Variants in NANP observed in about 807,000 individuals in gnomAD.
NANP encodes N-acetylneuraminic acid phosphatase.
A neutral mutation model predicts 16.9 loss-of-function variants in NANP; 15 were observed. That is an observed-to-expected ratio of 0.89 (90% CI 0.59 to 1.37). The LOEUF (loss-of-function observed/expected upper bound fraction) is 1.37, where lower values mean the gene tolerates loss of function less well. Among genes scored for constraint, NANP ranks in the 40% most tolerant of loss-of-function variants. The pLI is 0.00. For missense variants in NANP, 290 were observed against 303.5 expected (o/e 0.96, Z 0.33); for synonymous variants, 135 against 112.6 (o/e 1.20, Z -1.26).
In NANP at chr20:25,614,179, T is replaced by C. The variant is rs758315285; in HGVS notation, c.*1746A>G. On this transcript the variant is annotated 3_prime_UTR_variant, in exon 2 of 2. Transcript: ENST00000304788. ...TTTGCATGAGGCAGAGAATTCTGTT[T>C]CTTGGCAGTAGACAGAAAACTGGCT... 7 of 215,416 alleles carry C rather than the reference T, an allele frequency of 3.2e-5. No individual in the cohort carries two copies. Among genetic ancestry groups the C allele is most frequent in the Non-Finnish European group, 5.5e-5 (6 of 109,992 alleles). The allele number at this position is 215,416 out of a possible 1,614,324, so 13.3% of individuals were successfully genotyped here. A position where few individuals can be genotyped will look rare whatever the true frequency, so the allele number is the denominator to read the frequency against.
chr20:25,623,376 G>C (rs1600399615), intron 1 of NANP, among the ~76,000 whole-genome samples: 1 of 152,360 alleles, frequency 6.6e-6, no homozygotes, highest in East Asian at 1.9e-4. Flanking sequence ...GTCCAGGCTC[G>C]GTACTGACAG....
In NANP at chr20:25,616,137, C is replaced by T. The variant is rs146505168; in HGVS notation, c.535G>A (p.Val179Ile). The change falls in exon 2 of 2, where the codon GTA (valine) becomes ATA (isoleucine). Residue 179 changes from valine to isoleucine, a missense_variant. Val to Ile is a conservative substitution (Grantham distance 29). Coordinates refer to ENST00000304788, the MANE Select transcript of NANP (RefSeq NM_152667.3). ...ACCATCACACAGTCCCCAGGTTGTA[C>T]TCCGAGAAGATTGCAGCAGTAATAA... ...IFYYCCNLLG[V>I]QPGDCVMVGD... The T allele has an allele frequency of 8.7e-6, 14 of 1,613,998 alleles. No individual in the cohort carries two copies. Among genetic ancestry groups the T allele is most frequent in the Non-Finnish European group, 1.2e-5 (14 of 1,180,040 alleles).
rs186752242 is a variant in NANP at position 25,613,004 on chromosome 20, A to G, written c.*2921T>C. The G allele has an allele frequency of 3.9e-5, 6 of 152,334 alleles. No individual in the cohort carries two copies. The highest frequency in any genetic ancestry group is 3.9e-4 in the Admixed American group (6 of 15,302). 9.4% of individuals were successfully genotyped at this position (152,334 alleles called of 1,614,324 possible). A position where few individuals can be genotyped will look rare whatever the true frequency, so the allele number is the denominator to read the frequency against. ...GTAGTACTTGTTCAACAATGAATATATTCCCTAATTCAAAAAAGAATGGAA... is the reference window on the plus strand; with the variant it reads ...GTAGTACTTGTTCAACAATGAATATGTTCCCTAATTCAAAAAAGAATGGAA... On this transcript the variant is annotated 3_prime_UTR_variant, in exon 2 of 2. Coordinates refer to ENST00000304788, the MANE Select transcript of NANP (RefSeq NM_152667.3).
In NANP at chr20:25,615,812, A is replaced by G. The variant is rs2065340735; in HGVS notation, c.*113T>C. ...CCTTCAAAATATTGGCCATTAAATC[A>G]TAAGTAAAATTATTCTTAGAGCTGG... is the stretch of plus-strand genomic sequence containing the variant. On this transcript the variant is annotated 3_prime_UTR_variant, in exon 2 of 2. Transcript: ENST00000304788. 9.1e-7 allele frequency: 1 copy of G among 1,094,846 alleles called. No homozygotes were observed. The highest frequency in any genetic ancestry group is 1.3e-6 in the Non-Finnish European group (1 of 773,068). The allele number at this position is 1,094,846 out of a possible 1,614,324, so 67.8% of individuals were successfully genotyped here.
At position 25,615,748 on chromosome 20, in the gene NANP, G is replaced by C. The variant is rs746677893; in HGVS notation, c.*177C>G. The C allele has an allele frequency of 8.3e-5, 51 of 617,168 alleles. No individual in the cohort carries two copies. Among genetic ancestry groups the C allele is most frequent in the Middle Eastern group, 6.7e-4 (2 of 2,978 alleles). The allele number at this position is 617,168 out of a possible 1,614,324, so 38.2% of individuals were successfully genotyped here. A position where few individuals can be genotyped will look rare whatever the true frequency, so the allele number is the denominator to read the frequency against. On this transcript the variant is annotated 3_prime_UTR_variant, in exon 2 of 2. Transcript: ENST00000304788. ...TTTCAGATATAAGTACCACTCAATG[G>C]TTGGTTGTTACAACTTAGAAGCAAT...
rs750689887 is a variant in NANP, at chr20:25,616,195, C to T, written c.477G>A (p.Glu159=). The change falls in exon 2 of 2, where the codon GAG becomes GAA. Residue 159 remains glutamate, a synonymous_variant. Transcript: ENST00000304788. ...SYFDAVVVGG[E]QREEKPAPSI... is the part of the protein sequence containing the mutation. ...ACGGTGCTGGTTTCTCCTCTCTCTGCTCTCCACCTACAACAACAGCGTCAA... is the reference window on the plus strand; with the variant it reads ...ACGGTGCTGGTTTCTCCTCTCTCTGTTCTCCACCTACAACAACAGCGTCAA... 14 of 1,614,164 alleles carry T rather than the reference C, an allele frequency of 8.7e-6. No individual in the cohort carries two copies. In the South Asian group the frequency reaches 1.5e-4, roughly 18 times the overall value.
chr20:25,622,213 C>G (rs2065367430), intron 1 of NANP, among the ~76,000 whole-genome samples: 1 of 152,134 alleles, frequency 6.6e-6, no homozygotes, highest in Non-Finnish European at 1.5e-5. Flanking sequence ...AACCTGGAGA[C>G]AAGCCCACAG....
chr20:25,623,005 T>C (rs1401520589), intron 1 of NANP, among the ~76,000 whole-genome samples: 1 of 152,096 alleles, frequency 6.6e-6, no homozygotes, highest in African/African-American at 2.4e-5. Context: ...ACGGATGAGG[T>C]AGTGGAAGAT....
Position 25,616,453 on chromosome 20 carries a change from A to G in NANP, c.219T>C (p.Thr73=), listed in dbSNP as rs1232494189. ...PYNTCITDLR[T]SHWEEAIQET... ...CCTGGATTGCTTCTTCCCAATGTGAAGTCCTTAAATCAGTAATGCATGTAT... is the reference window on the plus strand; with the variant it reads ...CCTGGATTGCTTCTTCCCAATGTGAGGTCCTTAAATCAGTAATGCATGTAT... The change falls in exon 2 of 2, where the codon ACT becomes ACC. Residue 73 remains threonine (T), a synonymous_variant. Transcript: ENST00000304788. 3 of 1,614,038 alleles carry G rather than the reference A, an allele frequency of 1.9e-6. No homozygotes were observed. Among genetic ancestry groups the G allele is most frequent in the South Asian group, 2.2e-5 (2 of 91,080 alleles).
intron 1 of NANP, among the ~76,000 whole-genome samples, chr20:25,623,357 A>G (rs577499821): frequency 6.6e-6 from 1 of 152,350 alleles, no homozygotes; most frequent in South Asian, 2.1e-4. Flanking sequence ...TCTCTAAAGC[A>G]GGGCTTAAGT....
In NANP at chr20:25,623,898, G is replaced by C; in HGVS notation, c.51C>G (p.Leu17=). 4 of 1,613,614 alleles carry C rather than the reference G, an allele frequency of 2.5e-6. No homozygotes were observed. The South Asian group carries it at 4.4e-5, about 18-fold the overall frequency. The part of the protein sequence containing the change: ...RAVFFDLDNT[L]IDTAGASRRG... ...TCCTGCTCGCCCCGGCCGTGTCGAT[G>C]AGAGTGTTGTCCAAGTCAAAGAAAA... The change falls in exon 1 of 2, where the codon CTC becomes CTG. Residue 17 remains leucine (L), a synonymous_variant. Transcript: ENST00000304788.
intron 1 of NANP, among the ~76,000 whole-genome samples, chr20:25,618,180 C>T (rs2122205754): frequency 7.8e-6 from 1 of 128,990 alleles, no homozygotes; most frequent in South Asian, 2.3e-4. Flanking sequence ...AATATACAAC[C>T]ACTACAAATC....
chr20:25,613,713 A>G lies in NANP; in HGVS notation c.*2212T>C, dbSNP rs2065331007. 5.0e-6 allele frequency: 2 copies of G among 398,326 alleles called. No individual in the cohort carries two copies. The highest frequency in any genetic ancestry group is 8.9e-6 in the Non-Finnish European group (2 of 225,988). 24.7% of individuals were successfully genotyped at this position (398,326 alleles called of 1,614,324 possible). On this transcript the variant is annotated 3_prime_UTR_variant, in exon 2 of 2. Coordinates refer to ENST00000304788, the MANE Select transcript of NANP (RefSeq NM_152667.3). ...TACATTACTGTACTCTGTAGAATAC[A>G]AACTGTGAAGACAAGGAAATTTAAT...
At position 25,612,975 on chromosome 20, in the gene NANP, A is replaced by C. The variant is rs2065327457; in HGVS notation, c.*2950T>G. The C allele has an allele frequency of 6.6e-6, 1 of 152,244 alleles. No individual in the cohort carries two copies. Among genetic ancestry groups the C allele is most frequent in the South Asian group, 2.1e-4 (1 of 4,832 alleles). 9.4% of individuals were successfully genotyped at this position (152,244 alleles called of 1,614,324 possible). ...CTTTTATTTTTTTGACTTGTGTACT[A>C]CAAGTAGTACTTGTTCAACAATGAA... On this transcript the variant is annotated 3_prime_UTR_variant, in exon 2 of 2. Coordinates refer to ENST00000304788, the MANE Select transcript of NANP (RefSeq NM_152667.3).
At chr20:25,616,637 C>A in intron 1 of NANP, 56 bp from the exon 2 acceptor site, 1 of 1,362,550 alleles carries the variant, frequency 7.3e-7, no homozygotes. Context: ...TAGTCATGCC[C>A]TAGGAAGCTG....
rs1326337015 is a variant in NANP at position 25,613,915 on chromosome 20, CT to C, written c.*2009del. 5.0e-6 allele frequency: 2 copies of C among 398,286 alleles called. No homozygotes were observed. Among genetic ancestry groups the C allele is most frequent in the African/African-American group, 2.1e-5 (1 of 48,608 alleles). 24.7% of individuals were successfully genotyped at this position (398,286 alleles called of 1,614,324 possible). On this transcript the variant is annotated 3_prime_UTR_variant, in exon 2 of 2. Transcript: ENST00000304788. The stretch of plus-strand genomic sequence containing the variant: ...TGGGAGAGTTAAAAGGACAAGCCCC[CT>C]GCAGCACACGCCAACCAATCTATCA...
chr20:25,623,937 G>A lies in NANP; in HGVS notation c.12C>T (p.Ser4=), dbSNP rs761694474. The A allele has an allele frequency of 1.9e-6, 3 of 1,613,042 alleles. No individual in the cohort carries two copies. The highest frequency in any genetic ancestry group is 1.7e-5 in the Admixed American group (1 of 59,990). ...AGTCAAAGAAAACCGCCCGCACGCG[G>A]CTCAGCCCCATAGCGCCGGCCGCTG... MGL[S]RVRAVFFDLD... The change falls in exon 1 of 2, where the codon AGC becomes AGT. Residue 4 remains serine (S), a synonymous_variant. Coordinates refer to ENST00000304788, the MANE Select transcript of NANP (RefSeq NM_152667.3).
At chr20:25,621,648 G>A (rs1600398798) in intron 1 of NANP, among the ~76,000 whole-genome samples, 3 of 152,144 alleles carry the variant, frequency 2.0e-5, no homozygotes, top group African/African-American at 7.2e-5. Context: ...TCCGCCTCCC[G>A]GGTTCACGCC....
In NANP at chr20:25,613,307, A is replaced by G. The variant is rs146649401; in HGVS notation, c.*2618T>C. ...AAAGACCTGCTTTCCTACAATACTG[A>G]GCATCCACTGGGTCCTGGGCACTCC... On this transcript the variant is annotated 3_prime_UTR_variant, in exon 2 of 2. Coordinates refer to ENST00000304788, the MANE Select transcript of NANP (RefSeq NM_152667.3). The G allele has an allele frequency of 2.6e-5, 4 of 152,484 alleles. No individual in the cohort carries two copies. Among genetic ancestry groups the G allele is most frequent in the African/African-American group, 9.6e-5 (4 of 41,586 alleles). The allele number at this position is 152,484 out of a possible 1,614,324, so 9.4% of individuals were successfully genotyped here.
Sources: allele counts gnomAD v4.1 joint callset (sites outside exome capture counted in the v4.1 genomes callset), GRCh38; gene constraint gnomAD v4.1.1; transcripts MANE v1.5; gene names NCBI Gene and HGNC (gene_info 2026-07-23, HGNC 2026-07-21).